The following DCC variants were observed in gnomAD, a reference collection of about 807,000 sequenced individuals.
DCC encodes the protein netrin receptor DCC.
Under a neutral mutation model 172.5 loss-of-function variants are expected in DCC, and 58 were observed. That is an observed-to-expected ratio of 0.34 (90% CI 0.27 to 0.42). The LOEUF is 0.42. Ranked by LOEUF, DCC falls within the 10% of genes least tolerant of loss-of-function variation. The probability of loss-of-function intolerance (pLI) is 1.00; values close to 1 mark genes in which losing one functional copy is unlikely to be tolerated. For synonymous variants in DCC, 709 were observed against 644.5 expected (o/e 1.10, Z -1.52); for missense variants, 1,740 against 1,791.0 (o/e 0.97, Z 0.51).
chr18:53,085,427 C>T (rs930963290), intron 7 of DCC, among the ~76,000 whole-genome samples: 4 of 151,952 alleles, frequency 2.6e-5, no homozygotes, highest in Non-Finnish European at 4.4e-5. Context: ...GCCTTGTCCT[C>T]ATTATTCTTT....
intron 12 of DCC, among the ~76,000 whole-genome samples, chr18:53,264,619 C>A (rs897330776): frequency 2.6e-5 from 4 of 151,970 alleles, no homozygotes; most frequent in African/African-American, 7.3e-5. Flanking sequence ...AGTCAGTGGC[C>A]CCTCTGGTTC....
rs5824990 is a variant in DCC at position 53,148,865 on chromosome 18, C to CTTTTTTTTTTTTTTTTTTTTTT, written c.1262-8474_1262-8473insTTTTTTTTTTTTTTTTTTTTTT. 1.9e-3 allele frequency among the ~76,000 whole-genome samples: 206 copies of CTTTTTTTTTTTTTTTTTTTTTT among 109,738 alleles called. 25 individuals are homozygous for CTTTTTTTTTTTTTTTTTTTTTT. The highest frequency in any genetic ancestry group is 6.4e-3 in the African/African-American group (172 of 26,678). 72.0% of individuals were successfully genotyped at this position (109,738 alleles called of 152,430 possible). Reference sequence around the variant, plus strand: ...AAACTAGCTCAGAACTTCCCAATGCCTTTTTTTTTTTTTTTTTGGACAAAG... The same window carrying CTTTTTTTTTTTTTTTTTTTTTT: ...AAACTAGCTCAGAACTTCCCAATGCCTTTTTTTTTTTTTTTTTTTTTTTTTTTTTTTTTTTTTTTGGACAAAG... On this transcript the variant is annotated intron_variant, in intron 7 of 28. Transcript: ENST00000442544.
intron 12 of DCC, among the ~76,000 whole-genome samples, chr18:53,221,276 T>C (rs1265951929): frequency 6.6e-6 from 1 of 152,076 alleles, no homozygotes; most frequent in Non-Finnish European, 1.5e-5. Flanking sequence ...CTAGAATATT[T>C]TCCATCTTCC....
chr18:53,521,935 T>A (rs1360044292), intron 27 of DCC, among the ~76,000 whole-genome samples: 1 of 152,098 alleles, frequency 6.6e-6, no homozygotes, highest in Non-Finnish European at 1.5e-5. Context: ...AGAGCTAGCT[T>A]CTGGAAGGTG....
intron 1 of DCC, among the ~76,000 whole-genome samples, chr18:52,551,103 A>G (rs1198127208): frequency 6.6e-6 from 1 of 151,936 alleles, no homozygotes; most frequent in Non-Finnish European, 1.5e-5. Context: ...GGTCAAAGAA[A>G]AGAGTATTTT....
chr18:53,507,476 T>C (rs1310765445), intron 27 of DCC, among the ~76,000 whole-genome samples: 1 of 152,232 alleles, frequency 6.6e-6, no homozygotes, highest in Non-Finnish European at 1.5e-5. Flanking sequence ...TATAAACGAA[T>C]TCAGGTGTCA....
intron 1 of DCC, among the ~76,000 whole-genome samples, chr18:52,362,767 C>T (rs1984675795): frequency 6.7e-6 from 1 of 150,342 alleles, no homozygotes; most frequent in Non-Finnish European, 1.5e-5. Flanking sequence ...CAAAACTTCT[C>T]TTTGTTCTTT....
chr18:52,455,022 G>A (rs926149660), intron 1 of DCC, among the ~76,000 whole-genome samples: 1 of 152,000 alleles, frequency 6.6e-6, no homozygotes, highest in Non-Finnish European at 1.5e-5. Context: ...GTTTCTTCTT[G>A]TTGTAGCATT....
intron 1 of DCC, among the ~76,000 whole-genome samples, chr18:52,723,877 GCT>G (rs1452968258): frequency 1.3e-5 from 2 of 152,176 alleles, no homozygotes; most frequent in Non-Finnish European, 2.9e-5. Context: ...CATCCTAAGT[GCT>G]TGATCGGAGA....
intron 7 of DCC, among the ~76,000 whole-genome samples, chr18:53,129,790 G>T (rs2043623942): frequency 6.6e-6 from 1 of 152,062 alleles, no homozygotes. Flanking sequence ...AATAAAAGCT[G>T]CTATGAACAT....
In DCC at chr18:53,335,304, T is replaced by C. The variant is rs560157145; in HGVS notation, c.2165-4409T>C. 2.0e-3 allele frequency among the ~76,000 whole-genome samples: 310 copies of C among 152,326 alleles called. 1 individual carries two copies. Among genetic ancestry groups the C allele is most frequent in the Non-Finnish European group, 2.6e-3 (179 of 68,034 alleles). ...TATTGTCCCATCAGCATAGCACTTA[T>C]CAAGATCTCACGATTGTCTTATTTG... On this transcript the variant is annotated intron_variant, in intron 14 of 28. Transcript: ENST00000442544.
intron 1 of DCC, among the ~76,000 whole-genome samples, chr18:52,642,046 A>T (rs2034909430): frequency 6.1e-5 from 1 of 16,344 alleles, no homozygotes; most frequent in Non-Finnish European, 2.4e-4. Flanking sequence ...ATATATATAT[A>T]CTGTGGTGTG....
intron 7 of DCC, among the ~76,000 whole-genome samples, chr18:53,128,862 C>CATAT (rs1345790131): frequency 7.4e-5 from 6 of 81,098 alleles, no homozygotes; most frequent in African/African-American, 2.6e-4. Context: ...CACACACACA[C>CATAT]ACACACACAT....
intron 1 of DCC, among the ~76,000 whole-genome samples, chr18:52,459,273 G>A (rs963161875): frequency 6.6e-6 from 1 of 151,948 alleles, no homozygotes; most frequent in Non-Finnish European, 1.5e-5. Context: ...ATGTGGGTTT[G>A]TTGTACAGAT....
intron 5 of DCC, among the ~76,000 whole-genome samples, chr18:52,925,804 A>G (rs2040192936): frequency 6.6e-6 from 1 of 151,868 alleles, no homozygotes; most frequent in East Asian, 1.9e-4. Flanking sequence ...TTTTATTAAC[A>G]TGGGAATACT....
intron 5 of DCC, among the ~76,000 whole-genome samples, chr18:53,030,594 A>G (rs1242190079): frequency 5.3e-5 from 8 of 152,154 alleles, no homozygotes; most frequent in African/African-American, 1.9e-4. Context: ...AGTAATAACC[A>G]GAGGCTATGC....
chr18:52,369,682 G>A (rs1171844480), intron 1 of DCC, among the ~76,000 whole-genome samples: 1 of 151,752 alleles, frequency 6.6e-6, no homozygotes, highest in East Asian at 1.9e-4. Flanking sequence ...AACCAAATCT[G>A]TATTGAAATA....
Position 53,463,030 on chromosome 18 carries a change from G to A in DCC, c.3619+3572G>A, listed in dbSNP as rs188774483. On this transcript the variant is annotated intron_variant, in intron 24 of 28. Transcript: ENST00000442544. Reference sequence around the variant, plus strand: ...AAGCCCACTGCCTAAACAGGCTTTCGCCTGGGGAGTGACAGAAAACAAATC... The same window carrying A: ...AAGCCCACTGCCTAAACAGGCTTTCACCTGGGGAGTGACAGAAAACAAATC... Among the ~76,000 whole-genome samples the A allele has an allele frequency of 2.0e-4, 31 of 152,346 alleles. No homozygotes were observed. In the East Asian group the frequency reaches 2.7e-3, roughly 13 times the overall value.
At chr18:52,987,689 C>T (rs1568229453) in intron 5 of DCC, among the ~76,000 whole-genome samples, 1 of 152,184 alleles carries the variant, frequency 6.6e-6, no homozygotes, top group Non-Finnish European at 1.5e-5. Flanking sequence ...TTCACTTCAT[C>T]TGTGTATGTA....
Sources: gnomAD v4.1 joint callset for allele counts (sites outside exome capture counted in the v4.1 genomes callset) on GRCh38, gnomAD v4.1.1 for gene constraint, MANE v1.5 for transcripts, NCBI Gene and HGNC (gene_info 2026-07-23, HGNC 2026-07-21) for gene names.